AFF3: variants seen among roughly 807,000 people sequenced by gnomAD.
AFF3 encodes ALF transcription elongation factor 3.
Under a neutral mutation model 129.7 loss-of-function variants are expected in AFF3, and 32 were observed. The observed-to-expected ratio is 0.25, with a 90% CI of 0.19 to 0.33. AFF3 has a LOEUF of 0.33. AFF3 is among the 10% of genes least tolerant of loss of function. AFF3 has a pLI of 1.00. For missense variants in AFF3, 1,373 were observed against 1,592.0 expected, an observed-to-expected ratio of 0.86 and a Z score of 2.34; for synonymous variants, 644 against 635.4, an observed-to-expected ratio of 1.01 and a Z score of -0.20.
chr2:99,761,312 G>T (rs940458), intron 8 of AFF3, among the ~76,000 whole-genome samples: 124,962 of 152,056 alleles, frequency 0.82, 51,696 homozygotes, highest in East Asian at 0.91. Flanking sequence ...TTCATAACTG[G>T]CTAACGTTTT....
rs538644109 is a variant in AFF3 at position 100,131,163 on chromosome 2, C to A, written c.-227-1857G>T. ...GGGACAAAGTTTATTATTGGTTTAA[C>A]CAAACTGAGAAAGTGCTGGTTTAGT... On this transcript the variant is annotated intron_variant, in intron 1 of 24. Coordinates refer to ENST00000672756, the MANE Select transcript of AFF3 (RefSeq NM_001386135.1). Among the ~76,000 whole-genome samples the A allele has an allele frequency of 1.7e-4, 26 of 152,312 alleles. No homozygotes were observed. In the East Asian group the frequency reaches 4.6e-3, roughly 27 times the overall value.
At chr2:100,012,077 T>C (rs1330758978) in intron 4 of AFF3, among the ~76,000 whole-genome samples, 3 of 152,188 alleles carry the variant, frequency 2.0e-5, no homozygotes, top group African/African-American at 4.8e-5. Flanking sequence ...CTACAGCTCC[T>C]ACTACCAAGA....
rs373496571 is a variant in AFF3 at position 100,079,649 on chromosome 2, GCCC to G, written c.53+24750_53+24752del. On this transcript the variant is annotated intron_variant, in intron 4 of 24. Coordinates refer to ENST00000672756, the MANE Select transcript of AFF3 (RefSeq NM_001386135.1). ...ATATGATGAACTGTACTTTCTTGTG[GCCC>G]CCCAACAGAACTCACGCTTCCCCAG... 5.3e-5 allele frequency among the ~76,000 whole-genome samples: 8 copies of G among 152,128 alleles called. No homozygotes were observed. The East Asian group carries it at 1.4e-3, about 26-fold the overall frequency.
At chr2:99,752,342 C>G (rs553588268) in intron 8 of AFF3, 41 bp from the exon 9 acceptor site, 18 of 1,553,272 alleles carry the variant, frequency 1.2e-5, no homozygotes, top group South Asian at 1.1e-4. Context: ...GTGATACAGA[C>G]AGTATTTAAA....
chr2:99,637,322 A>G (rs1465927275), intron 13 of AFF3, among the ~76,000 whole-genome samples: 2 of 152,238 alleles, frequency 1.3e-5, no homozygotes, highest in Non-Finnish European at 2.9e-5. Flanking sequence ...CTCATCACAG[A>G]TGCTTTTGCG....
chr2:99,709,775 C>A (rs1249414615), intron 11 of AFF3, among the ~76,000 whole-genome samples: 3 of 152,110 alleles, frequency 2.0e-5, no homozygotes, highest in African/African-American at 7.2e-5. Context: ...ACTCCACAAG[C>A]AAATAAATGA....
intron 4 of AFF3, among the ~76,000 whole-genome samples, chr2:100,045,070 A>G (rs1685725103): frequency 6.6e-6 from 1 of 152,008 alleles, no homozygotes; most frequent in Non-Finnish European, 1.5e-5. Context: ...CAGCCCAACC[A>G]GCCTCCCTGA....
At chr2:100,001,504 C>A (rs915899634) in intron 7 of AFF3, among the ~76,000 whole-genome samples, 2 of 152,342 alleles carry the variant, frequency 1.3e-5, no homozygotes, top group East Asian at 1.9e-4. Context: ...TCTCGTCTCA[C>A]CGCAATTTCT....
At chr2:99,652,135 A>G (rs1398068486) in intron 12 of AFF3, among the ~76,000 whole-genome samples, 1 of 152,200 alleles carries the variant, frequency 6.6e-6, no homozygotes, top group Non-Finnish European at 1.5e-5. Context: ...TGAATCAGTC[A>G]GGAAAGCCTT....
chr2:99,602,302 A>T (rs921961396), intron 13 of AFF3, among the ~76,000 whole-genome samples: 14 of 152,244 alleles, frequency 9.2e-5, no homozygotes, highest in African/African-American at 3.4e-4. Flanking sequence ...CCTCACTGAC[A>T]CACTTTCGTA....
chr2:100,048,934 G>A lies in AFF3; in HGVS notation c.54-40002C>T, dbSNP rs935260078. Among the ~76,000 whole-genome samples, 6 of 151,918 alleles carry A rather than the reference G, an allele frequency of 3.9e-5. No individual in the cohort carries two copies. The South Asian group carries it at 8.3e-4, about 21-fold the overall frequency. On this transcript the variant is annotated intron_variant, in intron 4 of 24. Transcript: ENST00000672756. ...ACCTTAATATATAAAAAGCAAATTC[G>A]GTTTTTTAAAATAAAAAAGACATGG...
At chr2:99,965,690 C>T (rs1677674532) in intron 7 of AFF3, among the ~76,000 whole-genome samples, 2 of 152,198 alleles carry the variant, frequency 1.3e-5, no homozygotes, top group African/African-American at 4.8e-5. Flanking sequence ...TGAATCCACT[C>T]TCAAGAGTTT....
intron 7 of AFF3, among the ~76,000 whole-genome samples, chr2:99,856,316 T>C (rs1373197672): frequency 1.3e-5 from 2 of 152,132 alleles, no homozygotes; most frequent in Non-Finnish European, 2.9e-5. Flanking sequence ...ATATTCAAAA[T>C]GTCCAAGATA....
intron 7 of AFF3, among the ~76,000 whole-genome samples, chr2:99,995,120 G>A (rs1041918962): frequency 1.3e-5 from 2 of 152,178 alleles, no homozygotes; most frequent in Admixed American, 6.5e-5. Flanking sequence ...GGGGGAAGTG[G>A]TAAGACTTGC....
At chr2:99,590,583 C>T (rs1678569508) in intron 15 of AFF3, among the ~76,000 whole-genome samples, 2 of 152,168 alleles carry the variant, frequency 1.3e-5, no homozygotes, top group Admixed American at 1.3e-4. Flanking sequence ...TGAAAATCCA[C>T]ACACTTTCCA....
intron 2 of AFF3, chr2:100,106,277 C>G (rs1691284654): frequency 8.5e-7 from 1 of 1,177,656 alleles, no homozygotes; most frequent in Non-Finnish European, 1.1e-6. Context: ...TGTTATTTTA[C>G]AAGCTGATAA....
chr2:99,889,499 A>G (rs1693379804), intron 7 of AFF3, among the ~76,000 whole-genome samples: 1 of 152,280 alleles, frequency 6.6e-6, no homozygotes, highest in Admixed American at 6.5e-5. Context: ...TGAAAGGAGT[A>G]AAAACATCAC....
At chr2:100,082,829 C>G (rs1689135369) in intron 4 of AFF3, among the ~76,000 whole-genome samples, 1 of 152,248 alleles carries the variant, frequency 6.6e-6, no homozygotes, top group Middle Eastern at 3.4e-3. Flanking sequence ...GCCTGTAATC[C>G]TAGAACTTTG....
chr2:99,933,721 A>G (rs1674262254), intron 7 of AFF3, among the ~76,000 whole-genome samples: 1 of 152,152 alleles, frequency 6.6e-6, no homozygotes, highest in South Asian at 2.1e-4. Context: ...TATATGTGCC[A>G]CATTTTCTTT....
Sources: allele counts gnomAD v4.1 joint callset (sites outside exome capture counted in the v4.1 genomes callset), GRCh38; gene constraint gnomAD v4.1.1; transcripts MANE v1.5; gene names NCBI Gene and HGNC (gene_info 2026-07-23, HGNC 2026-07-21).